ALK: variants seen among roughly 807,000 people sequenced by gnomAD.
The protein encoded by ALK is ALK receptor tyrosine kinase, also known as ALK tyrosine kinase receptor.
ALK carries 74 observed loss-of-function variants against 163.1 expected under a neutral mutation model. The observed-to-expected ratio is 0.45, with a 90% CI of 0.38 to 0.55. The LOEUF is 0.55. ALK is among the 20% of genes least tolerant of loss of function. The pLI is 0.00. For missense variants in ALK, 2,063 were observed against 2,105.3 expected, an observed-to-expected ratio of 0.98 and a Z score of 0.39; for synonymous variants, 960 against 843.2, an observed-to-expected ratio of 1.14 and a Z score of -2.40.
At chr2:29,294,095 C>CCAG (rs1322792191) in intron 9 of ALK, among the ~76,000 whole-genome samples, 1 of 152,136 alleles carries the variant, frequency 6.6e-6, no homozygotes, top group Non-Finnish European at 1.5e-5. Context: ...GCAGGTGGCG[C>CCAG]CAGGTGTTAC....
intron 1 of ALK, among the ~76,000 whole-genome samples, chr2:29,872,993 C>A (rs551902126): frequency 6.6e-6 from 1 of 152,192 alleles, no homozygotes; most frequent in African/African-American, 2.4e-5. Flanking sequence ...CATCTCTCCT[C>A]GGAAGAGTTC....
At chr2:29,778,801 G>C (rs1252702563) in intron 1 of ALK, among the ~76,000 whole-genome samples, 1 of 152,130 alleles carries the variant, frequency 6.6e-6, no homozygotes, top group Non-Finnish European at 1.5e-5. Flanking sequence ...CAATGTCTGT[G>C]CCTGCTGAAC....
At chr2:29,468,489 G>C (rs1671266612) in intron 4 of ALK, among the ~76,000 whole-genome samples, 1 of 152,102 alleles carries the variant, frequency 6.6e-6, no homozygotes, top group Non-Finnish European at 1.5e-5. Flanking sequence ...AGCGATATGA[G>C]CCCATAATAA....
Position 29,879,401 on chromosome 2 carries a change from G to T in ALK, c.667+40592C>A, listed in dbSNP as rs75001920. Among the ~76,000 whole-genome samples the T allele has an allele frequency of 9.7e-3, 1,475 of 152,318 alleles. 15 individuals are homozygous for T. The highest frequency in any genetic ancestry group is 0.016 in the Non-Finnish European group (1,075 of 68,020). On this transcript the variant is annotated intron_variant, in intron 1 of 28. Transcript: ENST00000389048. Reference sequence around the variant, plus strand: ...CAAAAAGGTCTTGCAAGGAAAAAAAGTGTCAACTGAACTAACTTGTAAACT... The same window carrying T: ...CAAAAAGGTCTTGCAAGGAAAAAAATTGTCAACTGAACTAACTTGTAAACT...
intron 8 of ALK, among the ~76,000 whole-genome samples, chr2:29,304,815 C>A (rs1349012724): frequency 6.6e-6 from 1 of 152,190 alleles, no homozygotes; most frequent in African/African-American, 2.4e-5. Context: ...CCCTTCCCTG[C>A]CTGCCTCAAA....
At chr2:29,705,953 A>T (rs1393462089) in intron 2 of ALK, among the ~76,000 whole-genome samples, 1 of 152,206 alleles carries the variant, frequency 6.6e-6, no homozygotes, top group African/African-American at 2.4e-5. Context: ...CTGGAAGCAT[A>T]AAAGGAAAAG....
At chr2:29,386,891 C>T (rs1448487136) in intron 4 of ALK, among the ~76,000 whole-genome samples, 1 of 152,212 alleles carries the variant, frequency 6.6e-6, no homozygotes, top group African/African-American at 2.4e-5. Context: ...CAAATCTAAA[C>T]TCTCTTCTTG....
At chr2:29,259,227 T>C (rs1291407453) in intron 11 of ALK, among the ~76,000 whole-genome samples, 1 of 152,196 alleles carries the variant, frequency 6.6e-6, no homozygotes, top group African/African-American at 2.4e-5. Context: ...TCTTTACTAC[T>C]ACCACCATAA....
chr2:29,285,767 T>G (rs559814361), intron 9 of ALK, among the ~76,000 whole-genome samples: 1 of 151,220 alleles, frequency 6.6e-6, no homozygotes, highest in South Asian at 2.1e-4. Context: ...TTTACCATGT[T>G]GGCCAGGCTG....
intron 3 of ALK, among the ~76,000 whole-genome samples, chr2:29,589,828 T>C (rs1674996448): frequency 6.6e-6 from 1 of 152,212 alleles, no homozygotes; most frequent in South Asian, 2.1e-4. Flanking sequence ...TAAAGTACTT[T>C]CATAAGTCAG....
At chr2:29,582,860 CTTT>C (rs11406173) in intron 3 of ALK, among the ~76,000 whole-genome samples, 15 of 137,784 alleles carry the variant, frequency 1.1e-4, no homozygotes, top group Non-Finnish European at 1.8e-4. Context: ...CCCAGCACTC[CTTT>C]TTTTTTTTTT....
chr2:29,711,065 C>T (rs1440624663), intron 2 of ALK, among the ~76,000 whole-genome samples: 1 of 152,204 alleles, frequency 6.6e-6, no homozygotes, highest in Non-Finnish European at 1.5e-5. Flanking sequence ...AAGGTGGATT[C>T]TCCTGAATAG....
At chr2:29,306,235 T>C (rs1666506116) in intron 8 of ALK, among the ~76,000 whole-genome samples, 1 of 151,990 alleles carries the variant, frequency 6.6e-6, no homozygotes, top group African/African-American at 2.4e-5. Flanking sequence ...GTAGATATTA[T>C]TCCACCCATT....
intron 6 of ALK, 87 bp downstream of exon 6, chr2:29,328,263 C>T: frequency 6.3e-7 from 1 of 1,597,072 alleles, no homozygotes; most frequent in Non-Finnish European, 8.6e-7. Flanking sequence ...GAAGGCTGTC[C>T]ATGCTCTCAT....
chr2:29,627,422 G>T (rs1046554687), intron 3 of ALK, among the ~76,000 whole-genome samples: 2 of 152,132 alleles, frequency 1.3e-5, no homozygotes, highest in Non-Finnish European at 2.9e-5. Context: ...TTAGATGGCT[G>T]GTAGCCCATT....
chr2:29,438,249 A>G (rs2148078783), intron 4 of ALK, among the ~76,000 whole-genome samples: 1 of 152,368 alleles, frequency 6.6e-6, no homozygotes, highest in Non-Finnish European at 1.5e-5. Flanking sequence ...TAGGAAACTG[A>G]GGCTCAGTGT....
chr2:29,843,392 A>G (rs1665750794), intron 1 of ALK, among the ~76,000 whole-genome samples: 2 of 152,106 alleles, frequency 1.3e-5, no homozygotes, highest in Admixed American at 6.6e-5. Flanking sequence ...TTCTCTACTT[A>G]GGTTGCGAGG....
At chr2:29,742,838 C>T (rs923238559) in intron 1 of ALK, among the ~76,000 whole-genome samples, 2 of 152,208 alleles carry the variant, frequency 1.3e-5, no homozygotes, top group African/African-American at 4.8e-5. Flanking sequence ...TCCCTACACA[C>T]AGCTGCAGCC....
chr2:29,635,224 T>C (rs540679404), intron 3 of ALK, among the ~76,000 whole-genome samples: 4 of 152,182 alleles, frequency 2.6e-5, no homozygotes, highest in Non-Finnish European at 5.9e-5. Flanking sequence ...ATATATAGGT[T>C]TGTAACAGGA....
Sources: gnomAD v4.1 joint callset for allele counts (sites outside exome capture counted in the v4.1 genomes callset) on GRCh38, gnomAD v4.1.1 for gene constraint, MANE v1.5 for transcripts, NCBI Gene and HGNC (gene_info 2026-07-23, HGNC 2026-07-21) for gene names.